The following NDST3 variants were observed in gnomAD, a reference collection of about 807,000 sequenced individuals.
The protein encoded by NDST3 is bifunctional heparan sulfate N-deacetylase/N-sulfotransferase 3.
Under a neutral mutation model 96.1 loss-of-function variants are expected in NDST3, and 58 were observed. The observed-to-expected ratio is 0.60, with a 90% CI of 0.49 to 0.75. NDST3 has a LOEUF of 0.75. Among genes scored for constraint, NDST3 ranks in the 30% least tolerant of loss-of-function variants. The pLI, the probability that NDST3 is intolerant of heterozygous loss-of-function variation, is 0.00. For missense variants in NDST3, 788 were observed against 1,034.2 expected (o/e 0.76, Z 3.27); for synonymous variants, 333 against 359.7 (o/e 0.93, Z 0.84).
At chr4:118,237,485 T>C (rs1407509996) in intron 10 of NDST3, among the ~76,000 whole-genome samples, 1 of 152,172 alleles carries the variant, frequency 6.6e-6, no homozygotes, top group South Asian at 2.1e-4. Flanking sequence ...TATAACAAAA[T>C]ATTATGTACT....
chr4:118,095,677 T>A (rs1041493904), intron 2 of NDST3, among the ~76,000 whole-genome samples: 2 of 151,666 alleles, frequency 1.3e-5, no homozygotes, highest in Non-Finnish European at 2.9e-5. Flanking sequence ...CTCTGTCTAA[T>A]CCAAAACATT....
intron 6 of NDST3, among the ~76,000 whole-genome samples, chr4:118,208,095 T>C (rs1181623234): frequency 6.9e-6 from 1 of 144,838 alleles, no homozygotes; most frequent in East Asian, 2.0e-4. Context: ...TATTAACTTA[T>C]AGATTGATTT....
chr4:118,134,366 C>T (rs752093823), intron 4 of NDST3, among the ~76,000 whole-genome samples: 8 of 152,156 alleles, frequency 5.3e-5, no homozygotes, highest in Non-Finnish European at 1.2e-4. Flanking sequence ...TTTGAGTAGA[C>T]AGTCACATAA....
At chr4:118,115,078 A>C in intron 4 of NDST3, 118 bp downstream of exon 4, 1 of 1,077,986 alleles carries the variant, frequency 9.3e-7, no homozygotes. Flanking sequence ...CATTTGGAAT[A>C]TTTTGGTATT....
At position 118,233,140 on chromosome 4, in the gene NDST3, G is replaced by A; in HGVS notation, c.1943+5G>A. The A allele has an allele frequency of 6.2e-7, 1 of 1,610,316 alleles. No homozygotes were observed. The highest frequency in any genetic ancestry group is 8.5e-7 in the Non-Finnish European group (1 of 1,176,982). On this transcript the variant is annotated splice_donor_5th_base_variant and intron_variant, in intron 9 of 13. Coordinates refer to ENST00000296499, the MANE Select transcript of NDST3 (RefSeq NM_004784.3). ...CTACCACAGGGGGATTGATTGGTAA[G>A]ATGGGTTATTAGTATAAATCTAAAA...
intron 6 of NDST3, among the ~76,000 whole-genome samples, chr4:118,181,732 T>G (rs936405832): frequency 1.3e-5 from 2 of 152,174 alleles, no homozygotes; most frequent in Non-Finnish European, 2.9e-5. Context: ...AATATTGAAC[T>G]AATCTTATTT....
At chr4:118,090,087 A>G (rs571880933) in intron 2 of NDST3, among the ~76,000 whole-genome samples, 2 of 152,080 alleles carry the variant, frequency 1.3e-5, no homozygotes, top group South Asian at 4.1e-4. Context: ...ACCATAGCAA[A>G]GGACCATCTG....
At chr4:118,107,190 C>A (rs937887280) in intron 3 of NDST3, among the ~76,000 whole-genome samples, 1 of 152,150 alleles carries the variant, frequency 6.6e-6, no homozygotes, top group African/African-American at 2.4e-5. Context: ...TCATTATTAT[C>A]ATAAATTATA....
intron 2 of NDST3, among the ~76,000 whole-genome samples, chr4:118,071,450 T>G (rs2125801842): frequency 6.6e-6 from 1 of 152,208 alleles, no homozygotes; most frequent in East Asian, 1.9e-4. Flanking sequence ...GTCTATTGCC[T>G]TCTTCTTTGC....
At position 118,203,523 on chromosome 4, in the gene NDST3, C is replaced by T. The variant is rs577075209; in HGVS notation, c.1540-20968C>T. On this transcript the variant is annotated intron_variant, in intron 6 of 13. Coordinates refer to ENST00000296499, the MANE Select transcript of NDST3 (RefSeq NM_004784.3). ...GTCTATTCAGGTTTTCAATCTCTTCCTGATTCAGTCTTGGAAGATTGTGTC... is the reference window on the plus strand; with the variant it reads ...GTCTATTCAGGTTTTCAATCTCTTCTTGATTCAGTCTTGGAAGATTGTGTC... Among the ~76,000 whole-genome samples the T allele has an allele frequency of 6.6e-5, 10 of 152,232 alleles. No homozygotes were observed. In the South Asian group the frequency reaches 2.1e-3, roughly 32 times the overall value.
chr4:118,126,514 GTATA>G (rs776694923), intron 4 of NDST3, among the ~76,000 whole-genome samples: 1 of 49,260 alleles, frequency 2.0e-5, no homozygotes. Context: ...GTATGTATGT[GTATA>G]TATATATATA....
chr4:118,114,721 G>T, intron 3 of NDST3, 85 bp from the exon 4 acceptor site: 1 of 1,402,184 alleles, frequency 7.1e-7, no homozygotes, highest in South Asian at 1.3e-5. Flanking sequence ...ATACATATAC[G>T]AGAAAAGATT....
In NDST3 at chr4:118,183,283, G is replaced by C. The variant is rs966402593; in HGVS notation, c.1539+39599G>C. Among the ~76,000 whole-genome samples the C allele has an allele frequency of 3.3e-5, 5 of 152,212 alleles. No individual in the cohort carries two copies. In the East Asian group the frequency reaches 9.7e-4, roughly 29 times the overall value. ...CAAGTGTCCCAGCTGCCCCACATTG[G>C]GCACCAGAACTATAGGAATAATTGA... On this transcript the variant is annotated intron_variant, in intron 6 of 13. Transcript: ENST00000296499.
intron 10 of NDST3, among the ~76,000 whole-genome samples, 157 bp downstream of exon 10, chr4:118,237,377 T>G (rs1461682674): frequency 1.3e-5 from 2 of 152,224 alleles, no homozygotes; most frequent in African/African-American, 4.8e-5. Context: ...TGATTTCTAT[T>G]GAGAAATTTC....
intron 4 of NDST3, among the ~76,000 whole-genome samples, chr4:118,133,969 T>C (rs1310926263): frequency 5.3e-5 from 8 of 152,176 alleles, no homozygotes; most frequent in Admixed American, 5.2e-4. Flanking sequence ...GTCTTTTCTA[T>C]GCAAAAAAAT....
chr4:118,040,488 G>T (rs951773184), intron 1 of NDST3, among the ~76,000 whole-genome samples: 3 of 151,946 alleles, frequency 2.0e-5, no homozygotes, highest in African/African-American at 7.3e-5. Flanking sequence ...CTGCACTAAG[G>T]GTGGGCTTAT....
chr4:118,109,251 T>G (rs1338991110), intron 3 of NDST3, among the ~76,000 whole-genome samples: 2 of 152,170 alleles, frequency 1.3e-5, no homozygotes, highest in Non-Finnish European at 2.9e-5. Flanking sequence ...AAAGGAAAAT[T>G]ATCATATGGA....
In NDST3 at chr4:118,200,970, T is replaced by C. The variant is rs1428398232; in HGVS notation, c.1540-23521T>C. 2.6e-5 allele frequency among the ~76,000 whole-genome samples: 4 copies of C among 152,136 alleles called. No homozygotes were observed. In the East Asian group the frequency reaches 7.7e-4, roughly 29 times the overall value. Reference sequence around the variant, plus strand: ...AAGCTCGAGTAGTCCACAGTGTCTATCGTTCTAATATTTATGTCCATGTGT... The same window carrying C: ...AAGCTCGAGTAGTCCACAGTGTCTACCGTTCTAATATTTATGTCCATGTGT... On this transcript the variant is annotated intron_variant, in intron 6 of 13. Coordinates refer to ENST00000296499, the MANE Select transcript of NDST3 (RefSeq NM_004784.3).
At chr4:118,210,245 C>G (rs2125985684) in intron 6 of NDST3, among the ~76,000 whole-genome samples, 1 of 152,164 alleles carries the variant, frequency 6.6e-6, no homozygotes, top group Non-Finnish European at 1.5e-5. Context: ...GTCACTGAGA[C>G]CATCAGAGAG....
Sources: allele counts gnomAD v4.1 joint callset (sites outside exome capture counted in the v4.1 genomes callset), GRCh38; gene constraint gnomAD v4.1.1; transcripts MANE v1.5; gene names NCBI Gene and HGNC (gene_info 2026-07-23, HGNC 2026-07-21).